The following ZNF438 variants were observed in gnomAD, a reference collection of about 807,000 sequenced individuals.
ZNF438 encodes the protein zinc finger protein 438.
In ZNF438, 25 loss-of-function variants were observed where a neutral mutation model predicts 38.0. The ratio of observed to expected loss-of-function variants is 0.66; its 90% CI spans 0.48 to 0.92. The LOEUF (loss-of-function observed/expected upper bound fraction) is 0.92. ZNF438 is among the 40% of genes least tolerant of loss of function. ZNF438 has a pLI of 0.00. For missense variants in ZNF438, 1,007 were observed against 999.6 expected (o/e 1.01, Z -0.10); for synonymous variants, 372 against 364.1 (o/e 1.02, Z -0.25).
intron 2 of ZNF438, among the ~76,000 whole-genome samples, chr10:30,926,694 C>T (rs953931197): frequency 6.6e-6 from 1 of 150,900 alleles, no homozygotes; most frequent in Non-Finnish European, 1.5e-5. Flanking sequence ...ACTTGTTGCA[C>T]TTATCAAAGA....
chr10:30,863,997 C>A (rs1283970716), intron 4 of ZNF438, among the ~76,000 whole-genome samples: 2 of 152,202 alleles, frequency 1.3e-5, no homozygotes, highest in Non-Finnish European at 1.5e-5. Context: ...ATTCCTTCCT[C>A]TGCTCTTCTG....
chr10:30,930,803 CAAAAAAAAAAAAAAAAAA>C (rs71527620), intron 2 of ZNF438, among the ~76,000 whole-genome samples: 3 of 38,442 alleles, frequency 7.8e-5, no homozygotes, highest in South Asian at 5.3e-3. Flanking sequence ...GAAACTCAGT[CAAAAAAAAAAAAAAAAAA>C]AAAAAAAAAA....
rs1202556129 is a variant in ZNF438 at position 30,928,539 on chromosome 10, A to G, written c.-115+13036T>C. Reference sequence around the variant, plus strand: ...AAGAGAATAGGACCCAAACTTTGTCACTTCAAATCACAACGTTTGGACAAA... The same window carrying G: ...AAGAGAATAGGACCCAAACTTTGTCGCTTCAAATCACAACGTTTGGACAAA... On this transcript the variant is annotated intron_variant, in intron 2 of 5. Transcript: ENST00000413025. 3.3e-5 allele frequency among the ~76,000 whole-genome samples: 5 copies of G among 151,160 alleles called. No individual in the cohort carries two copies. The East Asian group carries it at 7.7e-4, about 23-fold the overall frequency.
At chr10:30,918,374 T>C (rs1477663070) in intron 2 of ZNF438, among the ~76,000 whole-genome samples, 1 of 152,204 alleles carries the variant, frequency 6.6e-6, no homozygotes, top group African/African-American at 2.4e-5. Context: ...AAATGTCATT[T>C]AATTGAGTTT....
intron 1 of ZNF438, among the ~76,000 whole-genome samples, chr10:30,990,091 G>A (rs955203166): frequency 2.0e-5 from 3 of 151,992 alleles, no homozygotes; most frequent in Non-Finnish European, 4.4e-5. Context: ...TAACTAATAC[G>A]TTAAATTCTA....
chr10:30,911,051 G>T (rs1020682063), intron 2 of ZNF438, among the ~76,000 whole-genome samples: 3 of 152,006 alleles, frequency 2.0e-5, no homozygotes, highest in African/African-American at 7.3e-5. Context: ...TACATTAAAT[G>T]AATCAAACTT....
exon 5 of ZNF438, chr10:30,849,807 G>A (rs573802175): frequency 1.2e-6 from 2 of 1,614,034 alleles, no homozygotes; most frequent in Non-Finnish European, 8.5e-7. Context: ...AAGTCCCCAT[G>A]GTCACTTCCA....
At chr10:30,921,570 G>A (rs774115509) in intron 2 of ZNF438, among the ~76,000 whole-genome samples, 1 of 152,096 alleles carries the variant, frequency 6.6e-6, no homozygotes, top group Non-Finnish European at 1.5e-5. Context: ...CCAGACCCAG[G>A]CACACAGTGT....
At chr10:30,963,228 C>T (rs890901490) in intron 1 of ZNF438, among the ~76,000 whole-genome samples, 2 of 151,576 alleles carry the variant, frequency 1.3e-5, no homozygotes, top group African/African-American at 4.8e-5. Flanking sequence ...CCTGTCTCTA[C>T]CAAAAATACA....
intron 3 of ZNF438, among the ~76,000 whole-genome samples, chr10:30,892,531 CT>C (rs549446258): frequency 1.1e-4 from 17 of 151,150 alleles, no homozygotes; most frequent in African/African-American, 3.2e-4. Context: ...TCTTCAAAAA[CT>C]TTTTTTTAAC....
At chr10:30,846,527 GA>G (rs2032148799) in intron 5 of ZNF438, among the ~76,000 whole-genome samples, 1 of 152,232 alleles carries the variant, frequency 6.6e-6, no homozygotes, top group African/African-American at 2.4e-5. Flanking sequence ...GAGGGGCCCT[GA>G]GGCAGAGCTG....
intron 1 of ZNF438, among the ~76,000 whole-genome samples, chr10:31,001,934 C>T (rs1014596747): frequency 1.3e-5 from 2 of 152,186 alleles, no homozygotes; most frequent in Admixed American, 1.3e-4. Flanking sequence ...AATCAGAGTG[C>T]TCATTGGCAG....
In ZNF438 at chr10:30,995,853, C is replaced by A. The variant is rs150465081; in HGVS notation, c.-192+35980G>T. On this transcript the variant is annotated intron_variant, in intron 1 of 5. Coordinates refer to ENST00000413025, the Ensembl canonical transcript of ZNF438. The stretch of plus-strand genomic sequence containing the variant: ...AAAATAGAGAGGTCAATACAACTAA[C>A]TATAAATACGTACTTGCTCTCCCTT... 2.1e-3 allele frequency among the ~76,000 whole-genome samples: 323 copies of A among 152,210 alleles called. 1 individual carries two copies. The highest frequency in any genetic ancestry group is 7.0e-3 in the African/African-American group (291 of 41,536).
At position 30,921,754 on chromosome 10, in the gene ZNF438, T is replaced by C. The variant is rs183375667; in HGVS notation, c.-114-12739A>G. Among the ~76,000 whole-genome samples the C allele has an allele frequency of 1.3e-4, 20 of 152,346 alleles. No individual in the cohort carries two copies. The East Asian group carries it at 3.7e-3, about 28-fold the overall frequency. ...CTTAAAACTGAGGAACATCCGAGGC[T>C]GCTCTAATGCTTCTTAAGAGATATG... On this transcript the variant is annotated intron_variant, in intron 2 of 5. Coordinates refer to ENST00000413025, the Ensembl canonical transcript of ZNF438.
intron 1 of ZNF438, among the ~76,000 whole-genome samples, chr10:30,992,643 C>A (rs2053621381): frequency 1.3e-5 from 2 of 152,206 alleles, no homozygotes; most frequent in Admixed American, 6.5e-5. Flanking sequence ...AAACACCAAA[C>A]CTCAGGTGAT....
At chr10:30,927,970 T>C (rs879308266) in intron 2 of ZNF438, among the ~76,000 whole-genome samples, 4 of 152,218 alleles carry the variant, frequency 2.6e-5, no homozygotes, top group Non-Finnish European at 5.9e-5. Flanking sequence ...TCTAAGAAGT[T>C]ACATTGGCAA....
intron 3 of ZNF438, among the ~76,000 whole-genome samples, chr10:30,900,375 C>T (rs184251424): frequency 4.3e-4 from 66 of 152,236 alleles, no homozygotes; most frequent in African/African-American, 1.5e-3. Context: ...AACTTGACCT[C>T]ACTCCACCAA....
chr10:30,946,507 A>G (rs2047428153), intron 1 of ZNF438, among the ~76,000 whole-genome samples: 1 of 152,170 alleles, frequency 6.6e-6, no homozygotes, highest in African/African-American at 2.4e-5. Context: ...AGAAAAAAAC[A>G]AACAACCCCA....
chr10:30,923,775 CCTT>C (rs778184155), intron 2 of ZNF438, among the ~76,000 whole-genome samples: 33 of 152,274 alleles, frequency 2.2e-4, no homozygotes, highest in Admixed American at 4.6e-4. Flanking sequence ...AGGAAAAACA[CCTT>C]CTTTAGGAAT....
Sources: gnomAD v4.1 joint callset for allele counts (sites outside exome capture counted in the v4.1 genomes callset) on GRCh38, gnomAD v4.1.1 for gene constraint, MANE v1.5 for transcripts, NCBI Gene and HGNC (gene_info 2026-07-23, HGNC 2026-07-21) for gene names.